OR1B1: variants seen among roughly 807,000 people sequenced by gnomAD.
OR1B1 encodes the protein olfactory receptor 1B1.
For synonymous variants in OR1B1, 168 were observed against 156.2 expected, an observed-to-expected ratio of 1.08 and a Z score of -0.57; for missense variants, 414 against 402.1, an observed-to-expected ratio of 1.03 and a Z score of -0.25.
the OR1B1 span, among the ~76,000 whole-genome samples, chr9:122,651,485 C>A: frequency 1.7e-4 from 26 of 152,142 alleles, no homozygotes; most frequent in African/African-American, 6.0e-4. Context: ...CTAACCTTCC[C>A]AGCCTCTAGT....
exon 1 of OR1B1, chr9:122,628,661 T>C: frequency 1.2e-6 from 2 of 1,613,976 alleles, no homozygotes; most frequent in Non-Finnish European, 1.7e-6. Flanking sequence ...CACAAATGGG[T>C]TGGCCAAAGG....
the OR1B1 span, among the ~76,000 whole-genome samples, chr9:122,654,196 A>G: frequency 6.6e-6 from 1 of 152,230 alleles, no homozygotes; most frequent in Non-Finnish European, 1.5e-5. Flanking sequence ...CATAACTTCA[A>G]GTGTCATGTA....
chr9:122,653,159 G>A, the OR1B1 span, among the ~76,000 whole-genome samples: 3 of 152,168 alleles, frequency 2.0e-5, no homozygotes, highest in African/African-American at 7.2e-5. Context: ...ATATGAGAAT[G>A]TACTGATGAT....
exon 1 of OR1B1, chr9:122,629,325 T>C (rs768722585): frequency 6.2e-7 from 1 of 1,614,012 alleles, no homozygotes; most frequent in Non-Finnish European, 8.5e-7. Context: ...CCCATGTCTA[T>C]CACAGAGAGG....
At chr9:122,640,441 A>T in the OR1B1 span, among the ~76,000 whole-genome samples, 8 of 152,146 alleles carry the variant, frequency 5.3e-5, no homozygotes, top group African/African-American at 1.9e-4. Flanking sequence ...CAAGTATATA[A>T]TGGAGGGCTA....
chr9:122,635,482 T>C, the OR1B1 span, among the ~76,000 whole-genome samples: 35 of 152,296 alleles, frequency 2.3e-4, no homozygotes, highest in African/African-American at 7.7e-4. Flanking sequence ...TTGCATTGTA[T>C]ACTTCTATCA....
chr9:122,648,483 CT>C, the OR1B1 span, among the ~76,000 whole-genome samples: 14 of 152,118 alleles, frequency 9.2e-5, no homozygotes, highest in African/African-American at 3.4e-4. Flanking sequence ...GAAACATTCC[CT>C]TTGAAAACCG....
chr9:122,641,395 A>G, the OR1B1 span, among the ~76,000 whole-genome samples: 3 of 152,334 alleles, frequency 2.0e-5, no homozygotes, highest in Non-Finnish European at 1.5e-5. Flanking sequence ...ACTTTCTTCA[A>G]GAGATAATTG....
chr9:122,653,788 C>T, the OR1B1 span, among the ~76,000 whole-genome samples: 7 of 152,168 alleles, frequency 4.6e-5, no homozygotes, highest in Admixed American at 2.6e-4. Context: ...ATTCAACCTG[C>T]TTACACTCAA....
the OR1B1 span, among the ~76,000 whole-genome samples, chr9:122,647,910 A>G: frequency 6.6e-6 from 1 of 152,220 alleles, no homozygotes; most frequent in Admixed American, 6.5e-5. Flanking sequence ...GATTTTTCCT[A>G]TCATTCTCCA....
At chr9:122,657,462 C>A in the OR1B1 span, among the ~76,000 whole-genome samples, 4 of 152,120 alleles carry the variant, frequency 2.6e-5, no homozygotes, top group Non-Finnish European at 5.9e-5. Flanking sequence ...TAATGTTTCC[C>A]AGCTAAGGAC....
the OR1B1 span, among the ~76,000 whole-genome samples, chr9:122,654,134 A>T: frequency 6.6e-6 from 1 of 152,208 alleles, no homozygotes. Flanking sequence ...GAAAAAAATA[A>T]ATAATTATGT....
chr9:122,628,467 A>G (rs1475645609), downstream of OR1B1: 34 of 694,878 alleles, frequency 4.9e-5, no homozygotes, highest in Non-Finnish European at 7.9e-5. Context: ...CCAAATCTGG[A>G]GTTCCTTAAG....
the OR1B1 span, among the ~76,000 whole-genome samples, chr9:122,642,310 A>G: frequency 6.6e-6 from 1 of 152,202 alleles, no homozygotes; most frequent in Non-Finnish European, 1.5e-5. Context: ...AACAGGATGG[A>G]GAATGAAGGC....
the OR1B1 span, among the ~76,000 whole-genome samples, chr9:122,636,773 G>A: frequency 6.6e-6 from 1 of 152,214 alleles, no homozygotes; most frequent in Non-Finnish European, 1.5e-5. Flanking sequence ...CAGTGGTCTA[G>A]AAGTTAATAC....
exon 1 of OR1B1, chr9:122,628,797 A>G (rs1347104335): frequency 1.9e-6 from 3 of 1,614,152 alleles, no homozygotes; most frequent in Non-Finnish European, 2.5e-6. Flanking sequence ...TGGGATCCAC[A>G]GGTGGAGACT....
the OR1B1 span, among the ~76,000 whole-genome samples, chr9:122,642,840 T>C: frequency 6.6e-6 from 1 of 152,216 alleles, no homozygotes; most frequent in Admixed American, 6.5e-5. Context: ...ATAACACTTA[T>C]ACATTCTGTG....
upstream of OR1B1, among the ~76,000 whole-genome samples, chr9:122,633,928 CA>C (rs911253597): frequency 3.5e-5 from 1 of 28,846 alleles, no homozygotes; most frequent in Non-Finnish European, 6.7e-5. Context: ...GACTATGTCT[CA>C]AAAAAAGGGT....
chr9:122,630,696 TTTTTTG>T (rs141279586), upstream of OR1B1, among the ~76,000 whole-genome samples: 49,684 of 151,264 alleles, frequency 0.33, 9,451 homozygotes, highest in Non-Finnish European at 0.44. Context: ...TATCCAGGGT[TTTTTTG>T]TTTTTGTTTT....
Sources: allele counts gnomAD v4.1 joint callset (sites outside exome capture counted in the v4.1 genomes callset), GRCh38; gene constraint gnomAD v4.1.1; transcripts MANE v1.5; gene names NCBI Gene and HGNC (gene_info 2026-07-23, HGNC 2026-07-21).